RUNX2: variants seen among roughly 807,000 people sequenced by gnomAD.
The protein encoded by RUNX2 is runt-related transcription factor 2.
In RUNX2, 10 loss-of-function variants were observed where a neutral mutation model predicts 51.7. That is an observed-to-expected ratio of 0.19 (90% CI 0.12 to 0.33). The LOEUF (loss-of-function observed/expected upper bound fraction) is 0.33. Among genes scored for constraint, RUNX2 ranks in the 10% least tolerant of loss-of-function variants. The pLI is 1.00. For synonymous variants in RUNX2, 276 were observed against 273.6 expected (o/e 1.01, Z -0.09); for missense variants, 562 against 691.3 (o/e 0.81, Z 2.10).
intron 5 of RUNX2, among the ~76,000 whole-genome samples, chr6:45,463,900 G>A (rs370276101): frequency 6.6e-6 from 1 of 152,142 alleles, no homozygotes; most frequent in Non-Finnish European, 1.5e-5. Flanking sequence ...TTAGAAAAAT[G>A]TTCACAACAT....
At chr6:45,519,858 G>A (rs1457007176) in intron 7 of RUNX2, among the ~76,000 whole-genome samples, 2 of 139,284 alleles carry the variant, frequency 1.4e-5, no homozygotes, top group East Asian at 2.2e-4. Context: ...GATGGAGTTC[G>A]CTCTTGTTGC....
At position 45,437,977 on chromosome 6, in the gene RUNX2, T is replaced by C; in HGVS notation, c.611T>C (p.Phe204Ser). The stretch of plus-strand genomic sequence containing the variant: ...AGTTTCACCTTGACCATAACCGTCT[T>C]CACAAATCCTCCCCAAGTAGCTACC... The part of the protein sequence containing the change: ...GKSFTLTITV[F>S]TNPPQVATYH... The change falls in exon 5 of 9, where the codon TTC (phenylalanine) becomes TCC (serine). Residue 204 changes from phenylalanine (F) to serine (S), a missense_variant. Physicochemically the swap from Phe to Ser is radical, Grantham distance 155. Coordinates refer to ENST00000647337, the MANE Select transcript of RUNX2 (RefSeq NM_001024630.4). The C allele has an allele frequency of 6.2e-7, 1 of 1,613,522 alleles. No homozygotes were observed.
At chr6:45,493,394 C>G (rs1325876797) in intron 6 of RUNX2, among the ~76,000 whole-genome samples, 1 of 151,996 alleles carries the variant, frequency 6.6e-6, no homozygotes, top group Non-Finnish European at 1.5e-5. Flanking sequence ...GACATATGTC[C>G]TTGATAAAAA....
chr6:45,360,941 T>C (rs1158165603), intron 2 of RUNX2, among the ~76,000 whole-genome samples: 1 of 152,146 alleles, frequency 6.6e-6, no homozygotes, highest in Non-Finnish European at 1.5e-5. Flanking sequence ...ATATGCCTCT[T>C]GAAGGCATTC....
chr6:45,442,999 C>T (rs369853129), intron 5 of RUNX2, among the ~76,000 whole-genome samples: 1 of 146,558 alleles, frequency 6.8e-6, no homozygotes, highest in Admixed American at 6.8e-5. Flanking sequence ...CAGCTCAGGG[C>T]TCCCTAAGGT....
intron 5 of RUNX2, among the ~76,000 whole-genome samples, chr6:45,466,354 A>G (rs1333082331): frequency 6.6e-6 from 1 of 152,166 alleles, no homozygotes; most frequent in East Asian, 1.9e-4. Context: ...TAATATTATA[A>G]AGTATTTACG....
chr6:45,393,097 G>T (rs138258620), intron 2 of RUNX2, among the ~76,000 whole-genome samples: 2 of 152,078 alleles, frequency 1.3e-5, no homozygotes, highest in African/African-American at 4.8e-5. Flanking sequence ...GCTCTCACAT[G>T]GCATTCTTTT....
chr6:45,525,795 G>GCCC (rs1801658724), intron 7 of RUNX2, among the ~76,000 whole-genome samples: 1 of 151,996 alleles, frequency 6.6e-6, no homozygotes. Flanking sequence ...AGCAGTTGGA[G>GCCC]ACCAGCCTCA....
chr6:45,544,483 T>C (rs2150451252), intron 7 of RUNX2, among the ~76,000 whole-genome samples: 1 of 152,260 alleles, frequency 6.6e-6, no homozygotes, highest in East Asian at 1.9e-4. Flanking sequence ...CCATACGGAA[T>C]TGTAATTATT....
At chr6:45,418,422 A>C (rs1798109789) in intron 2 of RUNX2, among the ~76,000 whole-genome samples, 1 of 152,210 alleles carries the variant, frequency 6.6e-6, no homozygotes, top group Non-Finnish European at 1.5e-5. Context: ...TTTTCAGAAA[A>C]AAAGTGTATA....
At chr6:45,328,874 T>G in intron 2 of RUNX2, 90 bp downstream of exon 2, 1 of 1,335,090 alleles carries the variant, frequency 7.5e-7, no homozygotes, top group Admixed American at 1.7e-5. Context: ...CTTTTCCAAA[T>G]AGCATATTAA....
chr6:45,438,556 T>C lies in RUNX2; in HGVS notation c.685+505T>C, dbSNP rs552248937. Among the ~76,000 whole-genome samples the C allele has an allele frequency of 1.6e-3, 242 of 152,378 alleles. 2 individuals carry two copies. The highest frequency in any genetic ancestry group is 5.5e-3 in the African/African-American group (229 of 41,596). ...TGCAAATGATAACTTGCTTGATTGT[T>C]ACAACACTGTTGTTTGGTCATGCTC... is the stretch of plus-strand genomic sequence containing the variant. On this transcript the variant is annotated intron_variant, in intron 5 of 8. Transcript: ENST00000647337.
chr6:45,340,629 G>A (rs1789582204), intron 2 of RUNX2, among the ~76,000 whole-genome samples: 1 of 151,632 alleles, frequency 6.6e-6, no homozygotes, highest in South Asian at 2.1e-4. Flanking sequence ...TGGCCTTTAG[G>A]TCGAGTTTGA....
At chr6:45,404,128 C>T (rs745588686) in intron 2 of RUNX2, among the ~76,000 whole-genome samples, 5 of 151,422 alleles carry the variant, frequency 3.3e-5, no homozygotes, top group Non-Finnish European at 5.9e-5. Flanking sequence ...GGTGCGGTGG[C>T]GTGTGCCTGT....
At chr6:45,414,737 A>G (rs928947785) in intron 2 of RUNX2, among the ~76,000 whole-genome samples, 4 of 93,970 alleles carry the variant, frequency 4.3e-5, no homozygotes, top group Non-Finnish European at 8.3e-5. Context: ...GTATCTCTCC[A>G]CCTTCCCAGA....
At chr6:45,333,595 T>C (rs1211484837) in intron 2 of RUNX2, among the ~76,000 whole-genome samples, 1 of 151,420 alleles carries the variant, frequency 6.6e-6, no homozygotes, top group Admixed American at 6.6e-5. Flanking sequence ...GCAAAGTTTT[T>C]CATAAACACT....
intron 5 of RUNX2, among the ~76,000 whole-genome samples, chr6:45,461,115 G>A (rs532218655): frequency 1.1e-3 from 164 of 152,330 alleles, no homozygotes; most frequent in African/African-American, 3.7e-3. Context: ...GTTTGGAACA[G>A]AGGATGAATG....
intron 2 of RUNX2, among the ~76,000 whole-genome samples, chr6:45,382,070 C>G (rs1158148584): frequency 6.6e-6 from 1 of 152,078 alleles, no homozygotes; most frequent in African/African-American, 2.4e-5. Context: ...CATGGAATAC[C>G]AGAGTTTCAA....
At chr6:45,351,359 C>T (rs762944977) in intron 2 of RUNX2, among the ~76,000 whole-genome samples, 5 of 152,174 alleles carry the variant, frequency 3.3e-5, no homozygotes, top group East Asian at 1.9e-4. Flanking sequence ...GGCATACTTA[C>T]GTACCAGGCA....
Sources: allele counts gnomAD v4.1 joint callset (sites outside exome capture counted in the v4.1 genomes callset), GRCh38; gene constraint gnomAD v4.1.1; transcripts MANE v1.5; gene names NCBI Gene and HGNC (gene_info 2026-07-23, HGNC 2026-07-21).